Variants in CACNA2D3 observed in about 807,000 individuals in gnomAD.
The protein encoded by CACNA2D3 is voltage-dependent calcium channel subunit alpha-2/delta-3.
CACNA2D3 carries 60 observed loss-of-function variants against 160.6 expected under a neutral mutation model. That is an observed-to-expected ratio of 0.37 (90% CI 0.30 to 0.46). The LOEUF is 0.46. CACNA2D3 is among the 20% of genes least tolerant of loss of function. The pLI, the probability that CACNA2D3 is intolerant of heterozygous loss-of-function variation, is 1.00. For synonymous variants in CACNA2D3, 558 were observed against 492.9 expected (o/e 1.13, Z -1.75); for missense variants, 1,205 against 1,365.0 (o/e 0.88, Z 1.85).
chr3:54,537,764 A>G (rs1253502531), intron 5 of CACNA2D3, among the ~76,000 whole-genome samples: 1 of 152,172 alleles, frequency 6.6e-6, no homozygotes, highest in Non-Finnish European at 1.5e-5. Context: ...GTGGTTAGGC[A>G]GCACCTACAG....
chr3:54,524,244 A>G (rs1701690626), intron 5 of CACNA2D3, among the ~76,000 whole-genome samples: 1 of 151,960 alleles, frequency 6.6e-6, no homozygotes, highest in South Asian at 2.1e-4. Context: ...TTGTCATTTG[A>G]TTTCTTCTTT....
chr3:54,706,699 C>T (rs746539647), intron 11 of CACNA2D3, among the ~76,000 whole-genome samples: 1 of 152,170 alleles, frequency 6.6e-6, no homozygotes. Context: ...AATCGATGCT[C>T]TCCAGCTTTA....
intron 14 of CACNA2D3, among the ~76,000 whole-genome samples, chr3:54,824,193 A>G (rs1486043000): frequency 6.6e-6 from 1 of 152,210 alleles, no homozygotes; most frequent in Non-Finnish European, 1.5e-5. Flanking sequence ...CTTATCAGTA[A>G]TCCTTATTTT....
intron 11 of CACNA2D3, among the ~76,000 whole-genome samples, chr3:54,677,644 C>T (rs535271374): frequency 8.0e-5 from 12 of 150,504 alleles, no homozygotes; most frequent in East Asian, 5.8e-4. Flanking sequence ...CGTACTTACT[C>T]GTCTAGTCTC....
chr3:54,832,011 T>TCATACACACACACACACACA (rs373556430), intron 14 of CACNA2D3, among the ~76,000 whole-genome samples: 10 of 118,862 alleles, frequency 8.4e-5, no homozygotes, highest in African/African-American at 1.3e-4. Context: ...CTCTTCTCTG[T>TCATACACACACACACACACA]CACACACACA....
intron 17 of CACNA2D3, among the ~76,000 whole-genome samples, chr3:54,856,502 T>C (rs1699174096): frequency 6.6e-6 from 1 of 152,214 alleles, no homozygotes; most frequent in African/African-American, 2.4e-5. Context: ...CACTTGGCAT[T>C]TGTCTGTTGA....
intron 31 of CACNA2D3, among the ~76,000 whole-genome samples, chr3:55,001,500 A>ATAT (rs1354462599): frequency 6.6e-6 from 1 of 152,204 alleles, no homozygotes; most frequent in Non-Finnish European, 1.5e-5. Flanking sequence ...CCACCCTATA[A>ATAT]GGTAGTCATT....
rs559524283 is a variant in CACNA2D3 at position 54,904,687 on chromosome 3, A to G, written c.2449+4819A>G. Among the ~76,000 whole-genome samples the G allele has an allele frequency of 2.0e-5, 3 of 152,294 alleles. No homozygotes were observed. In the South Asian group the frequency reaches 6.2e-4, roughly 32 times the overall value. ...ATTCCCAGTGCCAAGTACAAGGGCT[A>G]ACATACGGTCCATATGGGAGCGATA... On this transcript the variant is annotated intron_variant, in intron 27 of 37. Coordinates refer to ENST00000474759, the MANE Select transcript of CACNA2D3 (RefSeq NM_018398.3).
At chr3:54,316,141 A>T (rs80314458) in intron 2 of CACNA2D3, among the ~76,000 whole-genome samples, 4 of 151,522 alleles carry the variant, frequency 2.6e-5, no homozygotes, top group African/African-American at 4.9e-5. Flanking sequence ...GTAAGCAGTT[A>T]CTGTCATACG....
At chr3:54,923,816 G>GT (rs1469275707) in intron 27 of CACNA2D3, among the ~76,000 whole-genome samples, 2 of 152,222 alleles carry the variant, frequency 1.3e-5, no homozygotes, top group Non-Finnish European at 2.9e-5. Flanking sequence ...CTGGGACTCT[G>GT]TTGCCCATTG....
At chr3:54,252,770 G>C (rs1207058814) in intron 2 of CACNA2D3, among the ~76,000 whole-genome samples, 1 of 152,144 alleles carries the variant, frequency 6.6e-6, no homozygotes, top group East Asian at 1.9e-4. Flanking sequence ...TGCTTCCTGT[G>C]CTCCTACCAT....
intron 11 of CACNA2D3, among the ~76,000 whole-genome samples, chr3:54,730,262 A>G (rs143566362): frequency 2.4e-4 from 36 of 152,304 alleles, no homozygotes; most frequent in African/African-American, 7.2e-4. Context: ...AATTGCCCAG[A>G]GAATCCACCC....
chr3:54,643,078 G>A (rs1255757965), intron 11 of CACNA2D3, among the ~76,000 whole-genome samples: 4 of 151,750 alleles, frequency 2.6e-5, no homozygotes, highest in Admixed American at 2.0e-4. Context: ...TCTTCTGGGG[G>A]TATCACAAAG....
At position 54,123,401 on chromosome 3, in the gene CACNA2D3, T is replaced by G. The variant is rs141100743; in HGVS notation, c.123-112T>G. Reference sequence around the variant, plus strand: ...TTCTATCTTTTCTTCTTTTAAAACATGTTACATCGCACTGCTCCTTCAGCC... The same window carrying G: ...TTCTATCTTTTCTTCTTTTAAAACAGGTTACATCGCACTGCTCCTTCAGCC... On this transcript the variant is annotated intron_variant, in intron 1 of 37. Transcript: ENST00000474759. 1.1e-4 allele frequency: 87 copies of G among 763,434 alleles called. No homozygotes were observed. The African/African-American group carries it at 1.4e-3, about 12-fold the overall frequency. 47.3% of individuals were successfully genotyped at this position (763,434 alleles called of 1,614,324 possible).
intron 14 of CACNA2D3, among the ~76,000 whole-genome samples, chr3:54,822,782 CTTTCTTTCCTTT>C (rs1207545141): frequency 9.5e-4 from 74 of 77,566 alleles, no homozygotes; most frequent in Middle Eastern, 0.011. Flanking sequence ...TTCTTTCTTT[CTTTCTTTCCTTT>C]CTTTCTTTCT....
chr3:54,918,941 A>G, intron 27 of CACNA2D3: 1 of 1,435,266 alleles, frequency 7.0e-7, no homozygotes, highest in Non-Finnish European at 9.2e-7. Flanking sequence ...GATACAACAG[A>G]GTTCCAAAAT....
In CACNA2D3 at chr3:54,370,649, C is replaced by T. The variant is rs1313804443; in HGVS notation, c.322-16066C>T. Reference sequence around the variant, plus strand: ...GACTTATTGTACCCATTAAAGAACACCAAACAACATTGCACTCTAATATAC... The same window carrying T: ...GACTTATTGTACCCATTAAAGAACATCAAACAACATTGCACTCTAATATAC... On this transcript the variant is annotated intron_variant, in intron 3 of 37. Transcript: ENST00000474759. 4.6e-5 allele frequency among the ~76,000 whole-genome samples: 7 copies of T among 152,100 alleles called. No homozygotes were observed. The South Asian group carries it at 1.5e-3, about 32-fold the overall frequency.
intron 4 of CACNA2D3, among the ~76,000 whole-genome samples, chr3:54,449,292 G>A (rs947187335): frequency 6.6e-6 from 1 of 152,168 alleles, no homozygotes; most frequent in Non-Finnish European, 1.5e-5. Context: ...GACTAATATT[G>A]AAGAATTGGC....
chr3:54,795,429 A>C (rs986164262), intron 13 of CACNA2D3, among the ~76,000 whole-genome samples: 106 of 139,178 alleles, frequency 7.6e-4, no homozygotes, highest in Non-Finnish European at 7.7e-4. Flanking sequence ...TTTCCCATTT[A>C]TATAGTAATT....
Sources: gnomAD v4.1 joint callset for allele counts (sites outside exome capture counted in the v4.1 genomes callset) on GRCh38, gnomAD v4.1.1 for gene constraint, MANE v1.5 for transcripts, NCBI Gene and HGNC (gene_info 2026-07-23, HGNC 2026-07-21) for gene names.